Variants in GALNT2 observed in about 807,000 individuals in gnomAD.
The protein encoded by GALNT2 is UDP-GalNAc:polypeptide N-acetylgalactosaminyltransferase 2.
A neutral mutation model predicts 81.4 loss-of-function variants in GALNT2; 31 were observed. The observed-to-expected ratio is 0.38, with a 90% CI of 0.29 to 0.51. GALNT2 has a LOEUF of 0.51. Among genes scored for constraint, GALNT2 ranks in the 20% least tolerant of loss-of-function variants. GALNT2 has a pLI of 0.87. For missense variants in GALNT2, 629 were observed against 765.7 expected (o/e 0.82, Z 2.11); for synonymous variants, 303 against 287.4 (o/e 1.05, Z -0.55).
At chr1:230,244,466 G>A (rs989960348) in intron 7 of GALNT2, among the ~76,000 whole-genome samples, 2 of 150,970 alleles carry the variant, frequency 1.3e-5, no homozygotes, top group African/African-American at 4.9e-5. Context: ...AACCCACCCT[G>A]GAATCCCCAC....
intron 3 of GALNT2, among the ~76,000 whole-genome samples, chr1:230,205,000 G>A (rs190879069): frequency 6.6e-6 from 1 of 152,296 alleles, no homozygotes; most frequent in East Asian, 1.9e-4. Context: ...TCCCAAGAGC[G>A]GTGAATTGGG....
chr1:230,094,779 T>TG (rs1660195657), intron 1 of GALNT2, among the ~76,000 whole-genome samples: 1 of 152,172 alleles, frequency 6.6e-6, no homozygotes, highest in Non-Finnish European at 1.5e-5. Flanking sequence ...AGAGAGGTTG[T>TG]GGGGGCACTT....
chr1:230,220,756 G>C (rs1320046450), intron 3 of GALNT2, among the ~76,000 whole-genome samples: 1 of 152,158 alleles, frequency 6.6e-6, no homozygotes, highest in Admixed American at 6.5e-5. Flanking sequence ...GGCTTAATCA[G>C]ACCCGCCCTA....
At chr1:230,227,183 A>G (rs890840953) in intron 3 of GALNT2, among the ~76,000 whole-genome samples, 1 of 152,120 alleles carries the variant, frequency 6.6e-6, no homozygotes, top group Non-Finnish European at 1.5e-5. Flanking sequence ...AAAAAAATGA[A>G]TAAGTGCAAA....
chr1:230,138,539 A>G (rs922646450), intron 1 of GALNT2, among the ~76,000 whole-genome samples: 2 of 150,962 alleles, frequency 1.3e-5, no homozygotes, highest in Admixed American at 1.3e-4. Flanking sequence ...AAAAAAAAAA[A>G]AAAAATGAAA....
chr1:230,089,139 ATTTC>A (rs1387539118), intron 1 of GALNT2, among the ~76,000 whole-genome samples: 1 of 143,960 alleles, frequency 6.9e-6, no homozygotes, highest in Admixed American at 6.9e-5. Context: ...CATTTTAACC[ATTTC>A]TTTCTTTCTT....
intron 6 of GALNT2, among the ~76,000 whole-genome samples, chr1:230,240,185 TAGGC>T (rs1010920553): frequency 6.6e-6 from 1 of 152,270 alleles, no homozygotes; most frequent in African/African-American, 2.4e-5. Flanking sequence ...TTTTTTCTCA[TAGGC>T]AGCACAATCT....
chr1:230,271,206 C>T lies in GALNT2; in HGVS notation c.1441-3239C>T, dbSNP rs1666153000. 6.6e-6 allele frequency among the ~76,000 whole-genome samples: 1 copy of T among 152,250 alleles called. No individual in the cohort carries two copies. Among genetic ancestry groups the T allele is most frequent in the Non-Finnish European group, 1.5e-5 (1 of 68,052 alleles). ...AGCCCCTGTGAGTGCAGGGACGGAA[C>T]AATGTGCTTCTTCCTGGCCCTCTCC... On this transcript the variant is annotated intron_variant, in intron 14 of 15. Transcript: ENST00000366672. The surrounding 1 kb of genome is among the most constrained non-coding windows in gnomAD (Gnocchi z 4.2).
intron 3 of GALNT2, among the ~76,000 whole-genome samples, chr1:230,208,457 A>G (rs1468715999): frequency 1.3e-5 from 2 of 152,050 alleles, no homozygotes; most frequent in East Asian, 3.9e-4. Flanking sequence ...GTGTAGGTGG[A>G]CCTGTTTTGT....
At chr1:230,218,100 C>G (rs1664442536) in intron 3 of GALNT2, among the ~76,000 whole-genome samples, 1 of 152,200 alleles carries the variant, frequency 6.6e-6, no homozygotes, top group Non-Finnish European at 1.5e-5. Flanking sequence ...GCAGAGAAAC[C>G]TGTTGCCGTG....
intron 1 of GALNT2, among the ~76,000 whole-genome samples, chr1:230,104,887 T>A (rs1461644779): frequency 6.6e-6 from 1 of 152,192 alleles, no homozygotes; most frequent in African/African-American, 2.4e-5. Context: ...CACAGGACGC[T>A]TGCAGTCCCC....
At chr1:230,273,236 T>G (rs1666199618) in intron 14 of GALNT2, among the ~76,000 whole-genome samples, 1 of 152,208 alleles carries the variant, frequency 6.6e-6, no homozygotes, top group Non-Finnish European at 1.5e-5. Flanking sequence ...TAATAGTGCC[T>G]GAAGTTGCAG....
At chr1:230,164,672 T>TA (rs1453930111) in intron 1 of GALNT2, among the ~76,000 whole-genome samples, 1 of 152,086 alleles carries the variant, frequency 6.6e-6, no homozygotes, top group Non-Finnish European at 1.5e-5. Context: ...TAGCTGGGAC[T>TA]ACAGGCGCCC....
intron 1 of GALNT2, among the ~76,000 whole-genome samples, chr1:230,109,129 C>G (rs897194461): frequency 6.6e-6 from 1 of 152,258 alleles, no homozygotes; most frequent in Non-Finnish European, 1.5e-5. Flanking sequence ...TCCCGCTCCA[C>G]CAGTAGCCTC....
Position 230,194,473 on chromosome 1 carries a change from G to T in GALNT2, c.221-8664G>T, listed in dbSNP as rs982531942. Among the ~76,000 whole-genome samples, 3 of 152,334 alleles carry T rather than the reference G, an allele frequency of 2.0e-5. No individual in the cohort carries two copies. In the South Asian group the frequency reaches 6.2e-4, roughly 32 times the overall value. On this transcript the variant is annotated intron_variant, in intron 2 of 15. Transcript: ENST00000366672. ...CAGGTCCTGGCCCTTCTCTCCCAGA[G>T]GCAGAAGAATTAACCTGGGCCCATC...
chr1:230,120,250 A>G (rs968109616), intron 1 of GALNT2, among the ~76,000 whole-genome samples: 2 of 152,112 alleles, frequency 1.3e-5, no homozygotes, highest in African/African-American at 4.8e-5. Flanking sequence ...TTACATAGTA[A>G]CAGTGTTAAC....
chr1:230,149,806 C>A (rs1391000951), intron 1 of GALNT2, among the ~76,000 whole-genome samples: 1 of 152,140 alleles, frequency 6.6e-6, no homozygotes, highest in East Asian at 1.9e-4. Context: ...AACTGCAAAA[C>A]CTCCCTCTGG....
intron 2 of GALNT2, among the ~76,000 whole-genome samples, chr1:230,185,224 T>A (rs1343603919): frequency 1.3e-5 from 2 of 152,004 alleles, no homozygotes; most frequent in African/African-American, 4.8e-5. Context: ...GTTCTATATC[T>A]GAGTCTGGTT....
At chr1:230,087,050 A>C (rs1388797580) in intron 1 of GALNT2, among the ~76,000 whole-genome samples, 10 of 152,234 alleles carry the variant, frequency 6.6e-5, no homozygotes, top group Non-Finnish European at 1.5e-5. Flanking sequence ...GAAAGAGCTC[A>C]GTAGAGTGTG....
Sources: gnomAD v4.1 joint callset for allele counts (sites outside exome capture counted in the v4.1 genomes callset) on GRCh38, gnomAD v4.1.1 for gene constraint, Gnocchi (gnomAD v3.1) non-coding constraint, MANE v1.5 for transcripts, NCBI Gene and HGNC (gene_info 2026-07-23, HGNC 2026-07-21) for gene names.